Variants in CDH23 observed in about 807,000 individuals in gnomAD.
The protein encoded by CDH23 is cadherin related 23.
In CDH23, 189 loss-of-function variants were observed where a neutral mutation model predicts 317.1. That is an observed-to-expected ratio of 0.60 (90% CI 0.53 to 0.67). CDH23 has a LOEUF of 0.67. Ranked by LOEUF, CDH23 falls within the 30% of genes least tolerant of loss-of-function variation. CDH23 has a pLI of 0.00. For synonymous variants in CDH23, 1,839 were observed against 1,876.8 expected, an observed-to-expected ratio of 0.98 and a Z score of 0.52; for missense variants, 4,401 against 4,592.4, an observed-to-expected ratio of 0.96 and a Z score of 1.20.
intron 32 of CDH23, chr10:71,732,758 C>CT: frequency 9.3e-7 from 1 of 1,071,872 alleles, no homozygotes; most frequent in Non-Finnish European, 1.1e-6. Flanking sequence ...CTTCTGTTTT[C>CT]ACACCCATCA....
rs369203863 is a variant in CDH23, at chr10:71,695,470, C to A, written c.2342C>A (p.Ala781Glu). 1 of 1,613,530 alleles carries A rather than the reference C, an allele frequency of 6.2e-7. No individual in the cohort carries two copies. The highest frequency in any genetic ancestry group is 1.7e-5 in the Admixed American group (1 of 60,016). ...INDNHPTWKD[A>E]PYYINLVEMT... ...GACAACCACCCCACGTGGAAGGACG[C>A]ACCCTACTACATCAACCTGGTGGAG... The change falls in exon 22 of 70, where the codon GCA becomes GAA. Residue 781 changes from alanine (A) to glutamate (E), a missense_variant. By Grantham distance (107) the Ala-to-Glu change is moderately radical. This residue lies in a region of CDH23 where 3,068 missense variants were observed against 3,203.3 expected (regional missense o/e 0.96). Coordinates refer to ENST00000224721, the MANE Select transcript of CDH23 (RefSeq NM_022124.6).
intron 48 of CDH23, chr10:71,794,736 G>A (rs567879152): frequency 6.6e-6 from 1 of 152,340 alleles, no homozygotes; most frequent in South Asian, 2.1e-4. Flanking sequence ...TGCTGTAGGA[G>A]TTGTGACTGA....
intron 20 of CDH23, among the ~76,000 whole-genome samples, chr10:71,690,884 CT>C (rs1424529154): frequency 6.6e-6 from 1 of 152,152 alleles, no homozygotes; most frequent in Non-Finnish European, 1.5e-5. Context: ...TCAGGAACAC[CT>C]TTATTAAAGC....
At chr10:71,527,883 C>T (rs908769116) in intron 6 of CDH23, among the ~76,000 whole-genome samples, 3 of 152,162 alleles carry the variant, frequency 2.0e-5, no homozygotes, top group African/African-American at 4.8e-5. Flanking sequence ...GATCAGTTTG[C>T]GTCCACCTGG....
At chr10:71,737,151 TG>T (rs1211530633) in intron 34 of CDH23, among the ~76,000 whole-genome samples, 2 of 152,118 alleles carry the variant, frequency 1.3e-5, no homozygotes, top group Non-Finnish European at 2.9e-5. Flanking sequence ...ATGGGCGGAC[TG>T]GGGCTCAGGG....
At chr10:71,674,619 G>A (rs1256868967) in intron 14 of CDH23, among the ~76,000 whole-genome samples, 2 of 152,170 alleles carry the variant, frequency 1.3e-5, no homozygotes, top group African/African-American at 4.8e-5. Flanking sequence ...AGCCCTGTGA[G>A]GTAGGTACTA....
chr10:71,493,797 A>G (rs554423796), intron 3 of CDH23, among the ~76,000 whole-genome samples: 2 of 152,360 alleles, frequency 1.3e-5, no homozygotes, highest in African/African-American at 4.8e-5. Flanking sequence ...CAGGGAATTA[A>G]TGATTCGCGA....
chr10:71,777,624 TCCA>T (rs1189501549), intron 38 of CDH23, 53 bp from the exon 39 acceptor site: 16 of 1,489,390 alleles, frequency 1.1e-5, no homozygotes, highest in Non-Finnish European at 1.4e-5. Context: ...GCCATCTGGA[TCCA>T]CCTTGGTCCC....
At chr10:71,798,253 G>T in intron 49 of CDH23, 101 bp from the exon 50 acceptor site, 1 of 827,652 alleles carries the variant, frequency 1.2e-6, no homozygotes, top group South Asian at 1.5e-5. Flanking sequence ...GGGGGCTGTG[G>T]GATGCTGCCA....
At chr10:71,624,268 G>A (rs1861605259) in intron 11 of CDH23, among the ~76,000 whole-genome samples, 1 of 152,196 alleles carries the variant, frequency 6.6e-6, no homozygotes, top group Non-Finnish European at 1.5e-5. Flanking sequence ...AGCCTGCCTT[G>A]TATTTGTGTA....
intron 9 of CDH23, among the ~76,000 whole-genome samples, chr10:71,580,739 C>T (rs1451250764): frequency 6.6e-6 from 1 of 152,202 alleles, no homozygotes; most frequent in African/African-American, 2.4e-5. Flanking sequence ...CAGCACCTCA[C>T]TTCACCCAAA....
rs1839338138 is a variant in CDH23, at chr10:71,730,536, T to C, written c.3647T>C (p.Leu1216Pro). ...PVFTQQQYSR[L>P]GLRETAGIGT... ...TTCACACAGCAGCAGTACAGCCGTC[T>C]GGGGCTTCGAGAGACCGCAGGCATT... Residue 1216 changes from leucine to proline, a missense_variant, in exon 31 of 70, where the codon CTG becomes CCG. Physicochemically the swap from Leu to Pro is moderately conservative, Grantham distance 98 (BLOSUM62 -3). Around this residue, in one of 3 missense-constraint regions of CDH23, gnomAD observed 3,068 missense variants for 3,203.3 expected, o/e 0.96. Coordinates refer to ENST00000224721, the MANE Select transcript of CDH23 (RefSeq NM_022124.6). The C allele has an allele frequency of 1.9e-6, 3 of 1,613,980 alleles. No individual in the cohort carries two copies. The highest frequency in any genetic ancestry group is 2.5e-6 in the Non-Finnish European group (3 of 1,179,888).
chr10:71,470,186 C>A (rs1185670483), intron 3 of CDH23, among the ~76,000 whole-genome samples: 2 of 152,130 alleles, frequency 1.3e-5, no homozygotes, highest in Non-Finnish European at 2.9e-5. Context: ...GTGGTTGTAC[C>A]CTTTCACCTT....
Position 71,803,253 on chromosome 10 carries a change from C to T in CDH23, c.7705C>T (p.Arg2569Trp), listed in dbSNP as rs1282822628. Residue 2569 changes from arginine to tryptophan, a missense_variant, in exon 55 of 70, where the codon CGG (arginine) becomes TGG (tryptophan). By Grantham distance (101) the Arg-to-Trp change is moderately radical. Around this residue, in one of 3 missense-constraint regions of CDH23, gnomAD observed 1,144 missense variants for 1,138.2 expected, o/e 1.01. Transcript: ENST00000224721. ...GGACTCGGGCTTGGTGACCACACAG[C>T]GGCCACTGCAGTCCTACGAGAAGTT... ...DMDSGLVTTQ[R>W]PLQSYEKFSL... 3 of 1,598,042 alleles carry T rather than the reference C, an allele frequency of 1.9e-6. No individual in the cohort carries two copies. Among genetic ancestry groups the T allele is most frequent in the South Asian group, 2.2e-5 (2 of 88,890 alleles).
intron 9 of CDH23, among the ~76,000 whole-genome samples, chr10:71,601,948 G>A (rs1860242395): frequency 7.6e-6 from 1 of 130,958 alleles, no homozygotes; most frequent in African/African-American, 2.8e-5. Flanking sequence ...GGCCTGGGCT[G>A]GGTGGGCGGC....
At chr10:71,450,314 G>A (rs1850373769) in intron 3 of CDH23, among the ~76,000 whole-genome samples, 1 of 147,658 alleles carries the variant, frequency 6.8e-6, no homozygotes, top group South Asian at 2.1e-4. Context: ...CACCCAGGCT[G>A]GAGTGCAGTG....
chr10:71,759,864 C>CAT (rs1300561159), intron 38 of CDH23, among the ~76,000 whole-genome samples: 3 of 102,022 alleles, frequency 2.9e-5, no homozygotes, highest in African/African-American at 1.0e-4. Flanking sequence ...CACACACACA[C>CAT]ATATATATAC....
chr10:71,531,855 G>A (rs1855389677), intron 6 of CDH23, among the ~76,000 whole-genome samples: 1 of 152,194 alleles, frequency 6.6e-6, no homozygotes, highest in Non-Finnish European at 1.5e-5. Context: ...TTTGGTCTCT[G>A]AATGTGTGAT....
intron 22 of CDH23, among the ~76,000 whole-genome samples, 200 bp downstream of exon 22, chr10:71,695,725 C>T (rs1004019371): frequency 2.6e-5 from 4 of 152,254 alleles, no homozygotes; most frequent in African/African-American, 9.6e-5. Context: ...CTCATCCGGC[C>T]TCCAGTGTCA....
Sources: gnomAD v4.1 joint callset for allele counts (sites outside exome capture counted in the v4.1 genomes callset) on GRCh38, gnomAD v4.1.1 for gene constraint, gnomAD v4.1.1 regional missense constraint, MANE v1.5 for transcripts, NCBI Gene and HGNC (gene_info 2026-07-23, HGNC 2026-07-21) for gene names.